The following IDO2 variants were observed in gnomAD, a reference collection of about 807,000 sequenced individuals.
IDO2 encodes the protein indoleamine 2,3-dioxygenase 2.
Under a neutral mutation model 45.1 loss-of-function variants are expected in IDO2, and 46 were observed. The observed-to-expected ratio is 1.02, with a 90% confidence interval of 0.80 to 1.30. The LOEUF is 1.30. Ranked by LOEUF, IDO2 falls within the 50% of genes most tolerant of loss-of-function variation. IDO2 has a pLI of 0.00. For synonymous variants in IDO2, 218 were observed against 184.9 expected (o/e 1.18, Z -1.45); for missense variants, 544 against 491.8 (o/e 1.11, Z -1.00).
intron 5 of IDO2, among the ~76,000 whole-genome samples, chr8:39,983,244 C>T (rs774327370): frequency 3.3e-5 from 5 of 152,148 alleles, no homozygotes; most frequent in Admixed American, 6.5e-5. Flanking sequence ...TCACATCATT[C>T]CTTTGACAGT....
intron 3 of IDO2, among the ~76,000 whole-genome samples, chr8:39,975,933 T>G (rs1275619783): frequency 6.6e-6 from 1 of 152,218 alleles, no homozygotes; most frequent in Non-Finnish European, 1.5e-5. Context: ...TAGAATATCC[T>G]GTATTCAGTA....
intron 8 of IDO2, chr8:39,995,201 C>CT (rs1286879815): frequency 1.6e-5 from 1 of 60,936 alleles, no homozygotes; most frequent in Non-Finnish European, 3.1e-5. Flanking sequence ...TCTTCTTCTT[C>CT]TCCTTCTCCT....
rs55892879 is a variant in IDO2, at chr8:39,939,546, CAAAAAAAAAAA to C, written c.-18+4344_-18+4354del. Among the ~76,000 whole-genome samples, 129 of 71,260 alleles carry C rather than the reference CAAAAAAAAAAA, an allele frequency of 1.8e-3. 2 individuals carry two copies. Among genetic ancestry groups the C allele is most frequent in the East Asian group, 0.014 (33 of 2,352 alleles). The allele number at this position is 71,260 out of a possible 152,430, so 46.7% of individuals were successfully genotyped here. On this transcript the variant is annotated intron_variant, in intron 1 of 10. Coordinates refer to ENST00000502986, the Ensembl canonical transcript of IDO2. ...TGAACGACAGGGCGAGACTCTGTCTCAAAAAAAAAAAAAAAAAAAAAAAAAAGGAAAGAAAG... is the reference window on the plus strand; with the variant it reads ...TGAACGACAGGGCGAGACTCTGTCTCAAAAAAAAAAAAAAAGGAAAGAAAG...
chr8:40,008,435 G>A (rs1247483436), intron 9 of IDO2, among the ~76,000 whole-genome samples: 1 of 152,032 alleles, frequency 6.6e-6, no homozygotes, highest in Non-Finnish European at 1.5e-5. Context: ...GATTTTAAAG[G>A]TCTTATGTGA....
chr8:40,014,083 A>G (rs1448920538), intron 10 of IDO2, among the ~76,000 whole-genome samples: 1 of 152,158 alleles, frequency 6.6e-6, no homozygotes, highest in African/African-American at 2.4e-5. Context: ...TCTTCCAAGA[A>G]AGTCCTTCCC....
At chr8:39,977,026 A>G (rs1808269170) in intron 3 of IDO2, among the ~76,000 whole-genome samples, 1 of 152,158 alleles carries the variant, frequency 6.6e-6, no homozygotes, top group Non-Finnish European at 1.5e-5. Flanking sequence ...TGTATCTTTC[A>G]AATGTGTCTA....
At chr8:39,960,589 C>A (rs118113686) in intron 2 of IDO2, among the ~76,000 whole-genome samples, 33 of 152,328 alleles carry the variant, frequency 2.2e-4, no homozygotes, top group Admixed American at 6.5e-4. Context: ...AACACACTAA[C>A]GTTTGAACCC....
intron 10 of IDO2, among the ~76,000 whole-genome samples, chr8:40,013,989 A>G (rs1383769295): frequency 6.6e-6 from 1 of 152,118 alleles, no homozygotes; most frequent in Non-Finnish European, 1.5e-5. Context: ...GGATCTTTAG[A>G]CACTAGCTTC....
rs535344464 is a variant in IDO2 at position 39,960,813 on chromosome 8, C to A, written c.100-2795C>A. Among the ~76,000 whole-genome samples the A allele has an allele frequency of 9.9e-4, 151 of 152,176 alleles. 1 individual carries two copies. Among genetic ancestry groups the A allele is most frequent in the Middle Eastern group, 3.4e-3 (1 of 294 alleles). On this transcript the variant is annotated intron_variant, in intron 2 of 10. Transcript: ENST00000502986. Reference sequence around the variant, plus strand: ...TTTATTTTTTTTTGAGACGGAGTCTCGCTCTGTTGCCCAGGATGGAGTGCA... The same window carrying A: ...TTTATTTTTTTTTGAGACGGAGTCTAGCTCTGTTGCCCAGGATGGAGTGCA...
At chr8:39,940,598 C>T (rs949974151) in intron 1 of IDO2, among the ~76,000 whole-genome samples, 7 of 152,082 alleles carry the variant, frequency 4.6e-5, no homozygotes, top group Non-Finnish European at 1.0e-4. Flanking sequence ...ACATTCAAAA[C>T]TCTCTCTTCT....
chr8:39,949,301 T>C, intron 2 of IDO2, 37 bp downstream of exon 2: 1 of 1,481,698 alleles, frequency 6.7e-7, no homozygotes, highest in South Asian at 1.3e-5. Context: ...GGTCAGAATA[T>C]GTTTCTTGAG....
intron 3 of IDO2, among the ~76,000 whole-genome samples, chr8:39,964,015 G>A (rs1287729109): frequency 6.6e-6 from 1 of 152,160 alleles, no homozygotes; most frequent in Non-Finnish European, 1.5e-5. Context: ...CGCCTAAGAA[G>A]GTCAGCTTGG....
chr8:39,997,805 T>C (rs1000574244), intron 8 of IDO2: 7 of 153,912 alleles, frequency 4.5e-5, no homozygotes, highest in African/African-American at 1.7e-4. Flanking sequence ...CTGATATTTC[T>C]ATTCCAGAAA....
At position 39,964,816 on chromosome 8, in the gene IDO2, A is replaced by C. The variant is rs147751331; in HGVS notation, c.195+1113A>C. Among the ~76,000 whole-genome samples, 331 of 152,396 alleles carry C rather than the reference A, an allele frequency of 2.2e-3. 1 individual carries two copies. Among genetic ancestry groups the C allele is most frequent in the African/African-American group, 6.9e-3 (285 of 41,604 alleles). Reference sequence around the variant, plus strand: ...AGAGAAAAGTTCCAATGATGGAATAAAAATTTAAAGGATTTTTTTGAACGT... The same window carrying C: ...AGAGAAAAGTTCCAATGATGGAATACAAATTTAAAGGATTTTTTTGAACGT... On this transcript the variant is annotated intron_variant, in intron 3 of 10. Coordinates refer to ENST00000502986, the Ensembl canonical transcript of IDO2.
At chr8:39,953,623 C>T (rs1012696962) in intron 2 of IDO2, among the ~76,000 whole-genome samples, 6 of 152,204 alleles carry the variant, frequency 3.9e-5, no homozygotes, top group East Asian at 1.9e-4. Context: ...AGTGCAGTGA[C>T]GCCATCTCGG....
chr8:39,959,158 G>A (rs1284831803), intron 2 of IDO2, among the ~76,000 whole-genome samples: 1 of 150,672 alleles, frequency 6.6e-6, no homozygotes, highest in African/African-American at 2.4e-5. Context: ...CGCCCAGGCT[G>A]GAGTGCAGTG....
chr8:39,978,479 G>A (rs1808294603), intron 3 of IDO2, among the ~76,000 whole-genome samples: 1 of 152,080 alleles, frequency 6.6e-6, no homozygotes, highest in Admixed American at 6.5e-5. Context: ...CCATGATACC[G>A]CCTTTACGCG....
chr8:40,016,126 G>A (rs928408149), exon 11 of IDO2: 7 of 394,098 alleles, frequency 1.8e-5, no homozygotes, highest in Admixed American at 8.9e-5. Context: ...GGAAGATAGA[G>A]GATGCTGACA....
exon 10 of IDO2, chr8:40,013,614 T>G: frequency 6.2e-7 from 1 of 1,613,884 alleles, no homozygotes; most frequent in Non-Finnish European, 8.5e-7. Context: ...TGAAGGAGTT[T>G]CCCAAGAGCC....
Sources: gnomAD v4.1 joint callset for allele counts (sites outside exome capture counted in the v4.1 genomes callset) on GRCh38, gnomAD v4.1.1 for gene constraint, MANE v1.5 for transcripts, NCBI Gene and HGNC (gene_info 2026-07-23, HGNC 2026-07-21) for gene names.